Variants in IQGAP1 observed in about 807,000 individuals in gnomAD.
IQGAP1 encodes IQ motif containing GTPase activating protein 1.
Under a neutral mutation model 215.6 loss-of-function variants are expected in IQGAP1, and 66 were observed. The observed-to-expected ratio is 0.31, with a 90% CI of 0.25 to 0.38. IQGAP1 has a LOEUF of 0.38. Ranked by LOEUF, IQGAP1 falls within the 10% of genes least tolerant of loss-of-function variation. The pLI is 1.00. For missense variants in IQGAP1, 1,712 were observed against 1,997.1 expected (o/e 0.86, Z 2.72); for synonymous variants, 772 against 728.7 (o/e 1.06, Z -0.96).
intron 8 of IQGAP1, among the ~76,000 whole-genome samples, chr15:90,442,733 C>T (rs1434462090): frequency 6.6e-6 from 1 of 151,668 alleles, no homozygotes; most frequent in Non-Finnish European, 1.5e-5. Context: ...CTTTGGGAGG[C>T]CAAGGCGGGC....
At chr15:90,426,002 A>T (rs1466942686) in intron 2 of IQGAP1, 108 bp from the exon 3 acceptor site, 2 of 1,010,590 alleles carry the variant, frequency 2.0e-6, no homozygotes, top group African/African-American at 1.7e-5. Flanking sequence ...GAGTGCTATT[A>T]TGTTCAGTTT....
At chr15:90,480,430 G>A (rs918593778) in intron 26 of IQGAP1, among the ~76,000 whole-genome samples, 12 of 152,040 alleles carry the variant, frequency 7.9e-5, no homozygotes, top group African/African-American at 2.7e-4. Context: ...CAAAGTTAAT[G>A]TTCTGTTCTA....
chr15:90,417,937 T>C lies in IQGAP1; in HGVS notation c.156-8173T>C, dbSNP rs548392752. The stretch of plus-strand genomic sequence containing the variant: ...TTGAAGAGGTCCTTCACATCCCTTG[T>C]AAGTTGGATTCCTAAGTATTTTTAT... On this transcript the variant is annotated intron_variant, in intron 2 of 37. Coordinates refer to ENST00000268182, the MANE Select transcript of IQGAP1 (RefSeq NM_003870.4). Among the ~76,000 whole-genome samples the C allele has an allele frequency of 3.7e-4, 57 of 152,348 alleles. 1 individual carries two copies. Among genetic ancestry groups the C allele is most frequent in the African/African-American group, 1.3e-3 (54 of 41,590 alleles).
intron 3 of IQGAP1, among the ~76,000 whole-genome samples, chr15:90,427,916 T>C (rs1965247873): frequency 6.6e-6 from 1 of 152,212 alleles, no homozygotes; most frequent in African/African-American, 2.4e-5. Flanking sequence ...TGAGTAAGGC[T>C]ACAATGTCAA....
chr15:90,420,346 A>G (rs1303783841), intron 2 of IQGAP1, among the ~76,000 whole-genome samples: 2 of 152,174 alleles, frequency 1.3e-5, no homozygotes, highest in Non-Finnish European at 2.9e-5. Flanking sequence ...TTCCAAGTCC[A>G]TGGCCAGTGC....
At chr15:90,459,775 GT>G (rs1252125472) in intron 15 of IQGAP1, among the ~76,000 whole-genome samples, 1 of 152,124 alleles carries the variant, frequency 6.6e-6, no homozygotes, top group Non-Finnish European at 1.5e-5. Context: ...CCATTTGGGA[GT>G]GTTTTTAAAA....
At chr15:90,469,761 C>G (rs1173269496) in intron 18 of IQGAP1, among the ~76,000 whole-genome samples, 1 of 151,932 alleles carries the variant, frequency 6.6e-6, no homozygotes, top group Admixed American at 6.6e-5. Flanking sequence ...AAAGGCTGTT[C>G]TAGACAGAAA....
At chr15:90,419,534 T>A (rs1965103909) in intron 2 of IQGAP1, among the ~76,000 whole-genome samples, 1 of 152,184 alleles carries the variant, frequency 6.6e-6, no homozygotes, top group South Asian at 2.1e-4. Flanking sequence ...ATATTTAATA[T>A]CCCATGTGAG....
intron 7 of IQGAP1, among the ~76,000 whole-genome samples, chr15:90,440,941 A>C (rs1025718890): frequency 6.6e-6 from 1 of 152,066 alleles, no homozygotes; most frequent in Non-Finnish European, 1.5e-5. Flanking sequence ...CCCCGTCTCT[A>C]CTAAAAATAC....
intron 36 of IQGAP1, 21 bp downstream of exon 36, chr15:90,494,856 T>A: frequency 1.3e-6 from 2 of 1,572,086 alleles, no homozygotes; most frequent in Non-Finnish European, 1.7e-6. Context: ...GCTTTTTGTT[T>A]TATAAGTTGA....
intron 5 of IQGAP1, among the ~76,000 whole-genome samples, chr15:90,439,017 G>A (rs1965410968): frequency 6.6e-6 from 1 of 152,140 alleles, no homozygotes; most frequent in Admixed American, 6.6e-5. Context: ...GAGCCACTGT[G>A]CCTGGCCATT....
intron 34 of IQGAP1, 115 bp from the exon 35 acceptor site, chr15:90,492,419 TAAAAAAAAAAA>T (rs56724183): frequency 5.4e-6 from 2 of 371,098 alleles, no homozygotes; most frequent in Non-Finnish European, 8.6e-6. Context: ...ACAGAGTGTC[TAAAAAAAAAAA>T]AAAAAAAAAA....
intron 8 of IQGAP1, among the ~76,000 whole-genome samples, chr15:90,442,647 A>T (rs1965467980): frequency 6.6e-6 from 1 of 151,738 alleles, no homozygotes; most frequent in African/African-American, 2.4e-5. Context: ...CACCAGTGAG[A>T]CTCCAGGATT....
intron 11 of IQGAP1, among the ~76,000 whole-genome samples, chr15:90,451,933 G>A (rs1279807122): frequency 1.3e-5 from 2 of 151,632 alleles, no homozygotes; most frequent in Non-Finnish European, 2.9e-5. Flanking sequence ...TGGTTCAAGC[G>A]ATTCTCCTCT....
At chr15:90,459,235 A>AT (rs1222681861) in intron 15 of IQGAP1, among the ~76,000 whole-genome samples, 7 of 152,236 alleles carry the variant, frequency 4.6e-5, no homozygotes, top group Admixed American at 4.6e-4. Flanking sequence ...ATCAACAATT[A>AT]TTTGAGGGCC....
At chr15:90,444,977 G>A (rs1332457532) in intron 9 of IQGAP1, among the ~76,000 whole-genome samples, 1 of 152,090 alleles carries the variant, frequency 6.6e-6, no homozygotes, top group Non-Finnish European at 1.5e-5. Flanking sequence ...ACAAAAACTA[G>A]CTGGACGTGG....
chr15:90,403,114 T>A (rs1436628767), intron 2 of IQGAP1, among the ~76,000 whole-genome samples: 1 of 151,952 alleles, frequency 6.6e-6, no homozygotes, highest in East Asian at 1.9e-4. Context: ...CTACAAAATA[T>A]AAGAAATAAA....
At chr15:90,465,498 TCTTA>T (rs971495982) in intron 15 of IQGAP1, among the ~76,000 whole-genome samples, 25 of 152,116 alleles carry the variant, frequency 1.6e-4, no homozygotes, top group Admixed American at 1.4e-3. Flanking sequence ...ATTTCCCTTA[TCTTA>T]TGACCTTTAC....
intron 15 of IQGAP1, among the ~76,000 whole-genome samples, chr15:90,463,139 C>G (rs1965786246): frequency 6.6e-6 from 1 of 152,150 alleles, no homozygotes. Flanking sequence ...CCCTGAAACA[C>G]CTGAGACACC....
Sources: allele counts gnomAD v4.1 joint callset (sites outside exome capture counted in the v4.1 genomes callset), GRCh38; gene constraint gnomAD v4.1.1; transcripts MANE v1.5; gene names NCBI Gene and HGNC (gene_info 2026-07-23, HGNC 2026-07-21).